HHAT: variants seen among roughly 807,000 people sequenced by gnomAD.
HHAT encodes hedgehog acyltransferase, also known as protein-cysteine N-palmitoyltransferase HHAT.
A neutral mutation model predicts 70.8 loss-of-function variants in HHAT; 47 were observed. The observed-to-expected ratio is 0.66, with a 90% CI of 0.53 to 0.85. HHAT has a LOEUF of 0.85. Ranked by LOEUF, HHAT falls within the 40% of genes least tolerant of loss-of-function variation. The probability of loss-of-function intolerance (pLI) is 0.00; values close to 1 mark genes in which losing one functional copy is unlikely to be tolerated. For missense variants in HHAT, 609 were observed against 604.8 expected, an observed-to-expected ratio of 1.01 and a Z score of -0.07; for synonymous variants, 228 against 247.6, an observed-to-expected ratio of 0.92 and a Z score of 0.74.
At chr1:210,494,542 C>CCT (rs2094601199) in intron 8 of HHAT, among the ~76,000 whole-genome samples, 1 of 82,850 alleles carries the variant, frequency 1.2e-5, no homozygotes, top group Admixed American at 1.7e-4. Flanking sequence ...TTTGAAATAG[C>CCT]TTTTTTTTTT....
chr1:210,397,032 A>G (rs987601914), intron 4 of HHAT, among the ~76,000 whole-genome samples: 1 of 152,240 alleles, frequency 6.6e-6, no homozygotes, highest in Non-Finnish European at 1.5e-5. Context: ...CACATAAATT[A>G]ATAGAAGTGA....
intron 11 of HHAT, among the ~76,000 whole-genome samples, chr1:210,673,685 G>C (rs565125877): frequency 6.6e-6 from 1 of 151,256 alleles, no homozygotes; most frequent in Non-Finnish European, 1.5e-5. Flanking sequence ...TCTAACTCCT[G>C]ATCTCAAGTG....
chr1:210,335,732 G>A (rs12064277), intron 1 of HHAT, among the ~76,000 whole-genome samples: 36 of 152,244 alleles, frequency 2.4e-4, no homozygotes, highest in African/African-American at 8.4e-4. Flanking sequence ...TAGACAAAAT[G>A]AATCTAGATC....
At chr1:210,494,209 C>A (rs1346736673) in intron 8 of HHAT, among the ~76,000 whole-genome samples, 2 of 152,130 alleles carry the variant, frequency 1.3e-5, no homozygotes, top group Non-Finnish European at 2.9e-5. Flanking sequence ...AAGTGGGGAA[C>A]AATTGTAGCA....
At chr1:210,614,659 G>T (rs1344776855) in intron 10 of HHAT, among the ~76,000 whole-genome samples, 1 of 152,052 alleles carries the variant, frequency 6.6e-6, no homozygotes, top group South Asian at 2.1e-4. Flanking sequence ...AGAACATGCG[G>T]TGTTTGGTTT....
chr1:210,418,205 C>G lies in HHAT; in HGVS notation c.736C>G (p.Leu246Val), dbSNP rs2092782744. 6.2e-7 allele frequency: 1 copy of G among 1,614,128 alleles called. No homozygotes were observed. The highest frequency in any genetic ancestry group is 1.1e-5 in the South Asian group (1 of 91,076). ...GAAGGCCAGCCTGTGTGTCCTGGCC[C>G]TGGGGCTGGGCCGCCTTCTTTGCTG... is the stretch of plus-strand genomic sequence containing the variant. ...SLKASLCVLA[L>V]GLGRLLCWWW... The change falls in exon 7 of 12, where the codon CTG becomes GTG. Residue 246 changes from leucine (L) to valine (V), a missense_variant. Coordinates refer to ENST00000261458, the MANE Select transcript of HHAT (RefSeq NM_018194.6).
chr1:210,668,480 T>G (rs967354687), intron 11 of HHAT, among the ~76,000 whole-genome samples: 11 of 152,322 alleles, frequency 7.2e-5, no homozygotes, highest in East Asian at 1.9e-4. Context: ...ACTGATGGTT[T>G]TATAAAGGGC....
rs150493104 is a variant in HHAT at position 210,616,752 on chromosome 1, A to G, written c.1246-6774A>G. Among the ~76,000 whole-genome samples, 125 of 152,364 alleles carry G rather than the reference A, an allele frequency of 8.2e-4. 1 individual carries two copies. Among genetic ancestry groups the G allele is most frequent in the African/African-American group, 2.9e-3 (121 of 41,586 alleles). On this transcript the variant is annotated intron_variant, in intron 10 of 11. Transcript: ENST00000261458. ...TAGAGAAACGTATGTGAATTCTTGC[A>G]CTGCACTTATCGGTATATAATTCAG...
intron 11 of HHAT, among the ~76,000 whole-genome samples, chr1:210,649,687 C>T (rs1021636456): frequency 1.3e-5 from 2 of 152,222 alleles, no homozygotes; most frequent in Non-Finnish European, 2.9e-5. Context: ...GTGTTGTCAA[C>T]TCTCATGTCC....
At chr1:210,392,147 G>C (rs1050507875) in intron 4 of HHAT, among the ~76,000 whole-genome samples, 1 of 152,118 alleles carries the variant, frequency 6.6e-6, no homozygotes, top group African/African-American at 2.4e-5. Flanking sequence ...GGGATTACAG[G>C]CATGAGCTAC....
Position 210,331,250 on chromosome 1 carries a change from G to T in HHAT, c.-44+2146G>T, listed in dbSNP as rs182974043. Among the ~76,000 whole-genome samples the T allele has an allele frequency of 6.9e-4, 83 of 119,638 alleles. 1 individual carries two copies. The highest frequency in any genetic ancestry group is 5.9e-3 in the Admixed American group (79 of 13,474). 78.5% of individuals were successfully genotyped at this position (119,638 alleles called of 152,430 possible). ...TTTCTGCAACTAGGCAGTCCCATCT[G>T]GGGGGGTGTGTTGGTAGACATTGAC... On this transcript the variant is annotated intron_variant, in intron 1 of 11. Coordinates refer to ENST00000261458, the MANE Select transcript of HHAT (RefSeq NM_018194.6).
chr1:210,362,383 C>T (rs1167238306), intron 2 of HHAT, among the ~76,000 whole-genome samples: 3 of 152,102 alleles, frequency 2.0e-5, no homozygotes, highest in South Asian at 4.1e-4. Flanking sequence ...CATGCCACCA[C>T]ACCTGGCTAA....
At chr1:210,461,489 T>A (rs987894603) in intron 7 of HHAT, among the ~76,000 whole-genome samples, 1 of 151,956 alleles carries the variant, frequency 6.6e-6, no homozygotes, top group African/African-American at 2.4e-5. Context: ...CTTAGTAGAG[T>A]TGGGGCTTCA....
chr1:210,453,943 C>G (rs1161072725), intron 7 of HHAT, among the ~76,000 whole-genome samples: 1 of 152,126 alleles, frequency 6.6e-6, no homozygotes, highest in African/African-American at 2.4e-5. Context: ...TTTCACATGG[C>G]TGGGGAGGCC....
intron 1 of HHAT, among the ~76,000 whole-genome samples, chr1:210,329,896 G>A (rs1449517831): frequency 6.6e-6 from 1 of 152,134 alleles, no homozygotes. Context: ...ACAGGCATGC[G>A]CCACCACGCC....
At chr1:210,463,938 C>T (rs906214440) in intron 7 of HHAT, among the ~76,000 whole-genome samples, 2 of 152,154 alleles carry the variant, frequency 1.3e-5, no homozygotes, top group Non-Finnish European at 2.9e-5. Context: ...GTGTGAGATA[C>T]AGCAAACAGG....
At chr1:210,673,762 ATTATTTAT>A (rs58146322) in intron 11 of HHAT, among the ~76,000 whole-genome samples, 8,068 of 91,722 alleles carry the variant, frequency 0.088, 306 homozygotes, top group East Asian at 0.11. Flanking sequence ...TGGCTTATTT[ATTATTTAT>A]TTATTTATTT....
chr1:210,632,515 C>A (rs1443170263), intron 11 of HHAT, among the ~76,000 whole-genome samples: 1 of 152,136 alleles, frequency 6.6e-6, no homozygotes, highest in Non-Finnish European at 1.5e-5. Flanking sequence ...CATTACTGTA[C>A]ACATGGTTGG....
At chr1:210,394,399 T>C (rs1056407900) in intron 4 of HHAT, among the ~76,000 whole-genome samples, 1 of 152,160 alleles carries the variant, frequency 6.6e-6, no homozygotes, top group Non-Finnish European at 1.5e-5. Context: ...GGCTGAATCA[T>C]GGCTTTCAGC....
Sources: gnomAD v4.1 joint callset for allele counts (sites outside exome capture counted in the v4.1 genomes callset) on GRCh38, gnomAD v4.1.1 for gene constraint, MANE v1.5 for transcripts, NCBI Gene and HGNC (gene_info 2026-07-23, HGNC 2026-07-21) for gene names.